The following PDE4D variants were observed in gnomAD, a reference collection of about 807,000 sequenced individuals.
PDE4D encodes the protein phosphodiesterase 4D.
PDE4D carries 24 observed loss-of-function variants against 87.4 expected under a neutral mutation model. That is an observed-to-expected ratio of 0.27 (90% CI 0.20 to 0.39). PDE4D has a LOEUF of 0.39. Among genes scored for constraint, PDE4D ranks in the 10% least tolerant of loss-of-function variants. The pLI is 1.00. For missense variants in PDE4D, 714 were observed against 1,041.0 expected (o/e 0.69, Z 4.32); for synonymous variants, 384 against 383.2 (o/e 1.00, Z -0.02).
At chr5:59,290,304 C>T (rs750822068) in intron 1 of PDE4D, among the ~76,000 whole-genome samples, 3 of 151,862 alleles carry the variant, frequency 2.0e-5, no homozygotes, top group Non-Finnish European at 2.9e-5. Flanking sequence ...TCAACAAAGG[C>T]GCCAAGTATA....
intron 1 of PDE4D, among the ~76,000 whole-genome samples, chr5:60,406,128 CAAT>C (rs768407667): frequency 4.6e-5 from 7 of 151,840 alleles, no homozygotes; most frequent in Non-Finnish European, 1.0e-4. Context: ...ATCAAAACAA[CAAT>C]AAGACAAAAT....
intron 1 of PDE4D, among the ~76,000 whole-genome samples, chr5:59,750,560 T>C (rs1218291246): frequency 6.6e-6 from 1 of 152,218 alleles, no homozygotes; most frequent in Non-Finnish European, 1.5e-5. Context: ...CTCCTTACCC[T>C]GACTTATTCT....
In PDE4D at chr5:59,352,727, T is replaced by G. The variant is rs565196549; in HGVS notation, c.456-136759A>C. ...TTGTTTGGGCAAATATTGCTTTATC[T>G]TTTCATAGCCCAGATACCATTTGTA... On this transcript the variant is annotated intron_variant, in intron 1 of 14. Coordinates refer to ENST00000340635, the MANE Select transcript of PDE4D (RefSeq NM_001104631.2). 2.6e-5 allele frequency among the ~76,000 whole-genome samples: 4 copies of G among 152,340 alleles called. No individual in the cohort carries two copies. In the South Asian group the frequency reaches 8.3e-4, roughly 32 times the overall value.
chr5:59,648,559 T>C (rs893231977), intron 1 of PDE4D, among the ~76,000 whole-genome samples: 2 of 152,204 alleles, frequency 1.3e-5, no homozygotes, highest in Admixed American at 6.5e-5. Flanking sequence ...TATTAATGAC[T>C]AAACACACTA....
chr5:59,308,987 C>G (rs999682334), intron 1 of PDE4D, among the ~76,000 whole-genome samples: 1 of 152,012 alleles, frequency 6.6e-6, no homozygotes, highest in Non-Finnish European at 1.5e-5. Context: ...AGGATTATGG[C>G]TTCCTCTGCT....
At chr5:59,171,091 A>C (rs941850512) in intron 5 of PDE4D, among the ~76,000 whole-genome samples, 19 of 152,202 alleles carry the variant, frequency 1.2e-4, no homozygotes, top group Admixed American at 1.2e-3. Flanking sequence ...CATGTTGGCC[A>C]GGCTGGTCTT....
At chr5:60,520,852 C>A (rs1001312066) in intron 1 of PDE4D, among the ~76,000 whole-genome samples, 11 of 152,170 alleles carry the variant, frequency 7.2e-5, no homozygotes, top group East Asian at 1.9e-4. Context: ...CTCCCAGAGT[C>A]CTGGCAGAGC....
intron 1 of PDE4D, among the ~76,000 whole-genome samples, chr5:59,322,351 A>C (rs1333437006): frequency 6.6e-6 from 1 of 152,152 alleles, no homozygotes; most frequent in East Asian, 1.9e-4. Flanking sequence ...AAAGGCAACT[A>C]ATCATGAAAT....
chr5:60,068,124 A>G (rs779435319), intron 2 of PDE4D, among the ~76,000 whole-genome samples: 101 of 152,290 alleles, frequency 6.6e-4, no homozygotes, highest in Admixed American at 4.6e-4. Context: ...GCATTTTTAA[A>G]TGTTTAGAGG....
intron 1 of PDE4D, among the ~76,000 whole-genome samples, chr5:59,862,296 TA>T (rs1235539783): frequency 6.6e-6 from 1 of 152,226 alleles, no homozygotes; most frequent in Non-Finnish European, 1.5e-5. Context: ...TTATAATTTT[TA>T]TTCCAAAATA....
chr5:59,682,792 T>A (rs1421095154), intron 1 of PDE4D, among the ~76,000 whole-genome samples: 1 of 152,216 alleles, frequency 6.6e-6, no homozygotes, highest in Admixed American at 6.5e-5. Flanking sequence ...TTCTGTTGTT[T>A]ATAAACCATG....
chr5:59,282,546 G>C (rs1032186642), intron 1 of PDE4D, among the ~76,000 whole-genome samples: 1 of 150,720 alleles, frequency 6.6e-6, no homozygotes, highest in African/African-American at 2.4e-5. Context: ...GGGAGGCTGA[G>C]GCAGGAGAAT....
intron 1 of PDE4D, among the ~76,000 whole-genome samples, chr5:59,608,045 G>A (rs79495142): frequency 1.6e-3 from 249 of 152,242 alleles, no homozygotes; most frequent in African/African-American, 5.4e-3. Context: ...AGGACGATGA[G>A]TGCATAAAAA....
intron 2 of PDE4D, among the ~76,000 whole-genome samples, chr5:59,212,539 C>G (rs912055237): frequency 7.9e-5 from 12 of 151,810 alleles, no homozygotes; most frequent in African/African-American, 2.9e-4. Flanking sequence ...AATGAGGTAT[C>G]CTTGCAAGTT....
At chr5:59,513,092 G>C (rs1810541749) in intron 1 of PDE4D, among the ~76,000 whole-genome samples, 1 of 152,100 alleles carries the variant, frequency 6.6e-6, no homozygotes, top group Middle Eastern at 3.4e-3. Flanking sequence ...AAAATATAGA[G>C]GTTTTTCATG....
chr5:59,214,032 T>TCACACACA lies in PDE4D; in HGVS notation c.647+1737_647+1744dup, dbSNP rs199738839. Among the ~76,000 whole-genome samples, 400 of 132,762 alleles carry TCACACACA rather than the reference T, an allele frequency of 3.0e-3. 3 individuals are homozygous for TCACACACA. The highest frequency in any genetic ancestry group is 9.3e-3 in the African/African-American group (327 of 35,166). The allele number at this position is 132,762 out of a possible 152,430, so 87.1% of individuals were successfully genotyped here. A position where few individuals can be genotyped will look rare whatever the true frequency, so the allele number is the denominator to read the frequency against. On this transcript the variant is annotated intron_variant, in intron 2 of 14. Transcript: ENST00000340635. ...CTGTCCCCCAACATACATACATACT[T>TCACACACA]CACACACACACACACACACACACAC... is the stretch of plus-strand genomic sequence containing the variant.
chr5:59,405,538 C>G (rs1791462569), intron 1 of PDE4D, among the ~76,000 whole-genome samples: 1 of 152,186 alleles, frequency 6.6e-6, no homozygotes, highest in Non-Finnish European at 1.5e-5. Context: ...AACTTGACTT[C>G]TTCCTTTCCA....
chr5:59,472,082 A>G (rs1802535677), intron 1 of PDE4D, among the ~76,000 whole-genome samples: 1 of 152,188 alleles, frequency 6.6e-6, no homozygotes, highest in African/African-American at 2.4e-5. Context: ...CAATTTATGC[A>G]AAAAGAGAAA....
At chr5:60,188,469 A>G (rs1476378995) in intron 1 of PDE4D, 1 of 152,036 alleles carries the variant, frequency 6.6e-6, no homozygotes, top group Non-Finnish European at 1.5e-5. Context: ...TCCTTTCTCC[A>G]TCTGTCTCCT....
Sources: allele counts gnomAD v4.1 joint callset (sites outside exome capture counted in the v4.1 genomes callset), GRCh38; gene constraint gnomAD v4.1.1; transcripts MANE v1.5; gene names NCBI Gene and HGNC (gene_info 2026-07-23, HGNC 2026-07-21).